Variants in KAZN observed in about 807,000 individuals in gnomAD.
The protein encoded by KAZN is kazrin.
KAZN carries 40 observed loss-of-function variants against 87.4 expected under a neutral mutation model. The ratio of observed to expected loss-of-function variants is 0.46; its 90% CI spans 0.36 to 0.60. The LOEUF (loss-of-function observed/expected upper bound fraction) is 0.60. Among genes scored for constraint, KAZN ranks in the 20% least tolerant of loss-of-function variants. KAZN has a pLI of 0.00. For synonymous variants in KAZN, 466 were observed against 458.3 expected (o/e 1.02, Z -0.22); for missense variants, 898 against 1,073.9 (o/e 0.84, Z 2.29).
intron 2 of KAZN, among the ~76,000 whole-genome samples, chr1:14,364,769 G>A (rs1253876931): frequency 6.6e-6 from 1 of 152,208 alleles, no homozygotes; most frequent in Admixed American, 6.5e-5. Flanking sequence ...GAAGCTTCTA[G>A]GGAAGAATTG....
At chr1:14,853,055 G>T (rs1484858054) in intron 1 of KAZN, among the ~76,000 whole-genome samples, 1 of 152,278 alleles carries the variant, frequency 6.6e-6, no homozygotes, top group East Asian at 1.9e-4. Context: ...GGTGGAGCTG[G>T]GATGTGACTT....
chr1:13,929,995 A>G (rs1048820725), intron 1 of KAZN, among the ~76,000 whole-genome samples: 1 of 152,188 alleles, frequency 6.6e-6, no homozygotes, highest in South Asian at 2.1e-4. Flanking sequence ...GAACTCAGGC[A>G]ATCAGTCTTT....
chr1:14,547,471 A>G (rs1673227622), intron 2 of KAZN, among the ~76,000 whole-genome samples: 1 of 152,208 alleles, frequency 6.6e-6, no homozygotes, highest in Admixed American at 6.5e-5. Context: ...GTTGGAACAG[A>G]TCGTTTTCAA....
intron 2 of KAZN, among the ~76,000 whole-genome samples, chr1:14,407,011 A>G (rs558283867): frequency 6.6e-6 from 1 of 152,350 alleles, no homozygotes; most frequent in South Asian, 2.1e-4. Context: ...TTCGCAAGTC[A>G]TCTATGAGTA....
At chr1:13,894,061 C>A (rs911486951) in intron 1 of KAZN, among the ~76,000 whole-genome samples, 3 of 152,142 alleles carry the variant, frequency 2.0e-5, no homozygotes, top group Non-Finnish European at 4.4e-5. Flanking sequence ...AAGGAGGGTG[C>A]GTCAGGATGG....
At chr1:14,950,102 A>G (rs1662302979) in intron 1 of KAZN, among the ~76,000 whole-genome samples, 1 of 152,088 alleles carries the variant, frequency 6.6e-6, no homozygotes, top group Non-Finnish European at 1.5e-5. Context: ...CCGTAGTAAG[A>G]ATTACCAAGC....
chr1:14,474,970 A>AGATG (rs1668639749), intron 2 of KAZN, among the ~76,000 whole-genome samples: 1 of 152,102 alleles, frequency 6.6e-6, no homozygotes, highest in African/African-American at 2.4e-5. Flanking sequence ...ATGGATGGAT[A>AGATG]GATGGATGAA....
intron 2 of KAZN, among the ~76,000 whole-genome samples, chr1:14,551,184 C>T (rs1003683808): frequency 6.6e-6 from 1 of 152,160 alleles, no homozygotes; most frequent in African/African-American, 2.4e-5. Flanking sequence ...GACACACTGC[C>T]CCAACAGTAT....
Position 14,289,339 on chromosome 1 carries a change from G to A in KAZN, c.249+108747G>A, listed in dbSNP as rs184390377. On this transcript the variant is annotated intron_variant, in intron 2 of 16. Transcript: ENST00000636203. ...CTAAGTCTCTTTGTAGGTCTCTAAG[G>A]ACTTGCTTTATGAATCTGGGTGCTC... Among the ~76,000 whole-genome samples the A allele has an allele frequency of 3.0e-3, 455 of 152,230 alleles. 2 individuals are homozygous for A. Among genetic ancestry groups the A allele is most frequent in the Non-Finnish European group, 5.5e-3 (376 of 68,014 alleles).
chr1:14,414,523 T>A (rs1664585055), intron 2 of KAZN, among the ~76,000 whole-genome samples: 1 of 152,108 alleles, frequency 6.6e-6, no homozygotes, highest in African/African-American at 2.4e-5. Context: ...ACATAATGCT[T>A]AGCAAAAAAT....
At chr1:14,378,047 A>C (rs1267432263) in intron 2 of KAZN, among the ~76,000 whole-genome samples, 1 of 152,150 alleles carries the variant, frequency 6.6e-6, no homozygotes, top group Non-Finnish European at 1.5e-5. Flanking sequence ...ATTTTTTTTC[A>C]TGTATTTGTT....
chr1:14,273,341 T>C (rs545613599), intron 2 of KAZN, among the ~76,000 whole-genome samples: 1 of 152,138 alleles, frequency 6.6e-6, no homozygotes, highest in South Asian at 2.1e-4. Flanking sequence ...GAGAAGATGG[T>C]TCATTACCTA....
intron 1 of KAZN, among the ~76,000 whole-genome samples, chr1:14,164,458 G>GTA (rs1645776461): frequency 1.3e-5 from 2 of 149,120 alleles, no homozygotes; most frequent in African/African-American, 4.9e-5. Flanking sequence ...ATGGCTTTGT[G>GTA]TGTGTGTGTG....
At chr1:14,235,934 G>T (rs1356160422) in intron 2 of KAZN, among the ~76,000 whole-genome samples, 1 of 152,092 alleles carries the variant, frequency 6.6e-6, no homozygotes, top group African/African-American at 2.4e-5. Flanking sequence ...GTCTCATGCA[G>T]GTTTCTCACC....
intron 2 of KAZN, among the ~76,000 whole-genome samples, chr1:14,286,870 A>G (rs1653291828): frequency 1.3e-5 from 2 of 152,196 alleles, no homozygotes; most frequent in African/African-American, 4.8e-5. Context: ...GGCTATTTTC[A>G]TAATCTTGGC....
At chr1:13,954,119 C>T (rs753905668) in intron 1 of KAZN, among the ~76,000 whole-genome samples, 57 of 152,070 alleles carry the variant, frequency 3.7e-4, no homozygotes, top group Non-Finnish European at 7.6e-4. Context: ...AGTTTAAAAA[C>T]GCACCACCCA....
At chr1:15,016,241 G>C (rs1467126631) in intron 2 of KAZN, among the ~76,000 whole-genome samples, 2 of 152,156 alleles carry the variant, frequency 1.3e-5, no homozygotes, top group Admixed American at 6.5e-5. Flanking sequence ...ATGTGGCTCT[G>C]CCACACCTTG....
At chr1:14,506,933 A>G (rs1443809475) in intron 2 of KAZN, among the ~76,000 whole-genome samples, 2 of 152,202 alleles carry the variant, frequency 1.3e-5, no homozygotes, top group Non-Finnish European at 2.9e-5. Context: ...GCCATTCAGG[A>G]AAGATTAGGC....
chr1:14,419,504 G>C (rs1402375492), intron 2 of KAZN, among the ~76,000 whole-genome samples: 3 of 152,200 alleles, frequency 2.0e-5, no homozygotes, highest in East Asian at 1.9e-4. Context: ...CAGAGTGTTA[G>C]GCCAGTTCCC....
Sources: gnomAD v4.1 joint callset for allele counts (sites outside exome capture counted in the v4.1 genomes callset) on GRCh38, gnomAD v4.1.1 for gene constraint, MANE v1.5 for transcripts, NCBI Gene and HGNC (gene_info 2026-07-23, HGNC 2026-07-21) for gene names.